The following CYP4B1 variants were observed in gnomAD, a reference collection of about 807,000 sequenced individuals.
The protein encoded by CYP4B1 is cytochrome P450 family 4 subfamily B member 1.
In CYP4B1, 45 loss-of-function variants were observed where a neutral mutation model predicts 54.0. The observed-to-expected ratio is 0.83, with a 90% CI of 0.66 to 1.07. The LOEUF (loss-of-function observed/expected upper bound fraction) is 1.07. Among genes scored for constraint, CYP4B1 ranks in the 50% least tolerant of loss-of-function variants. CYP4B1 has a pLI of 0.00. For missense variants in CYP4B1, 656 were observed against 655.4 expected (o/e 1.00, Z -0.01); for synonymous variants, 248 against 247.5 (o/e 1.00, Z -0.02).
chr1:46,810,726 C>T, intron 1 of CYP4B1, 82 bp from the exon 2 acceptor site: 4 of 1,504,232 alleles, frequency 2.7e-6, no homozygotes, highest in Non-Finnish European at 3.7e-6. Context: ...GGGCAGCCTT[C>T]TCCCCTGCCC....
chr1:46,811,062 A>G, intron 2 of CYP4B1, 78 bp from the exon 3 acceptor site: 1 of 1,602,076 alleles, frequency 6.2e-7, no homozygotes, highest in Non-Finnish European at 8.6e-7. Flanking sequence ...TGCGGAGCTG[A>G]GGTTCCCACC....
chr1:46,802,634 C>T (rs1462738087), intron 1 of CYP4B1, among the ~76,000 whole-genome samples: 2 of 152,216 alleles, frequency 1.3e-5, no homozygotes, highest in East Asian at 3.8e-4. Context: ...CAGATATGGT[C>T]CCTCTTTCCT....
chr1:46,814,546 G>A (rs756549059), intron 7 of CYP4B1, among the ~76,000 whole-genome samples: 4 of 152,136 alleles, frequency 2.6e-5, no homozygotes, highest in Non-Finnish European at 4.4e-5. Flanking sequence ...GTGGCTGGAC[G>A]ACATTTCTAG....
rs1290569881 is a variant in CYP4B1 at position 46,814,066 on chromosome 1, G to T, written c.775+3G>T. ...CCAGGTGGCCCATGACCATACAGGT[G>T]GGCCTTTCCCACAAGGCTCACCTCT... On this transcript the variant is annotated splice_donor_region_variant and intron_variant, in intron 6 of 11. Transcript: ENST00000371923. 8 of 1,613,800 alleles carry T rather than the reference G, an allele frequency of 5.0e-6. No individual in the cohort carries two copies. The highest frequency in any genetic ancestry group is 6.8e-6 in the Non-Finnish European group (8 of 1,179,942).
Position 46,799,379 on chromosome 1 carries a change from G to A in CYP4B1, c.180+118G>A, listed in dbSNP as rs941156029. 16 of 909,952 alleles carry A rather than the reference G, an allele frequency of 1.8e-5. No homozygotes were observed. The African/African-American group carries it at 2.5e-4, about 14-fold the overall frequency. 56.4% of individuals were successfully genotyped at this position (909,952 alleles called of 1,614,324 possible). On this transcript the variant is annotated intron_variant, in intron 1 of 11. Coordinates refer to ENST00000371923, the MANE Select transcript of CYP4B1 (RefSeq NM_001099772.2). ...CTTCAAACTTGGGCAGGGGGATGAT[G>A]TCCTGGGATCCATGGCTTCCATTCA... is the stretch of plus-strand genomic sequence containing the variant.
At chr1:46,809,982 C>T (rs1679030616) in intron 1 of CYP4B1, among the ~76,000 whole-genome samples, 1 of 152,208 alleles carries the variant, frequency 6.6e-6, no homozygotes, top group Non-Finnish European at 1.5e-5. Context: ...ACATGTACCA[C>T]CCTCTGGATG....
chr1:46,809,947 A>G (rs780821629), intron 1 of CYP4B1, among the ~76,000 whole-genome samples: 2 of 152,194 alleles, frequency 1.3e-5, no homozygotes, highest in Non-Finnish European at 2.9e-5. Flanking sequence ...GGGTGAGTAA[A>G]CGTGACTAGA....
intron 3 of CYP4B1, 94 bp downstream of exon 3, chr1:46,811,278 C>A: frequency 7.5e-7 from 1 of 1,331,262 alleles, no homozygotes; most frequent in Non-Finnish European, 1.1e-6. Flanking sequence ...TTGGTTATCC[C>A]AGATGGCCTA....
chr1:46,802,797 G>A (rs1678712265), intron 1 of CYP4B1, among the ~76,000 whole-genome samples: 1 of 152,184 alleles, frequency 6.6e-6, no homozygotes, highest in Admixed American at 6.5e-5. Flanking sequence ...TTTGGGCCTA[G>A]AGAAGGGCCC....
intron 1 of CYP4B1, among the ~76,000 whole-genome samples, chr1:46,804,248 G>A (rs1320084158): frequency 2.0e-5 from 3 of 152,066 alleles, no homozygotes; most frequent in South Asian, 2.1e-4. Context: ...GGAGTCAACT[G>A]GGCTCAGCGC....
At chr1:46,805,837 C>T (rs572202880) in intron 1 of CYP4B1, among the ~76,000 whole-genome samples, 170 of 152,262 alleles carry the variant, frequency 1.1e-3, no homozygotes, top group African/African-American at 3.9e-3. Context: ...ACACATGGAG[C>T]TCTGGTAATT....
At chr1:46,802,190 G>T (rs74075410) in intron 1 of CYP4B1, among the ~76,000 whole-genome samples, 143 of 151,286 alleles carry the variant, frequency 9.5e-4, no homozygotes, top group African/African-American at 3.3e-3. Context: ...GGTGTGTGTG[G>T]GTGTGTGTGT....
At position 46,811,168 on chromosome 1, in the gene CYP4B1, C is replaced by T. The variant is rs200440657; in HGVS notation, c.351C>T (p.Phe117=). The T allele has an allele frequency of 1.4e-3, 2,293 of 1,614,178 alleles. 47 individuals carry two copies. The South Asian group carries it at 0.023, about 16-fold the overall frequency. Residue 117 remains phenylalanine, a synonymous_variant, in exon 3 of 12, where the codon TTC becomes TTT. Transcript: ENST00000371923. ...CTAAGGCCCCTGATGTGTATGACTT[C>T]TTCCTCCAGTGGATTGGTGAGTGAG... ...GDPKAPDVYD[F]FLQWIGRGLL... is the part of the protein sequence containing the mutation.
chr1:46,811,957 T>C (rs572215380), intron 3 of CYP4B1, among the ~76,000 whole-genome samples: 1 of 152,244 alleles, frequency 6.6e-6, no homozygotes, highest in African/African-American at 2.4e-5. Context: ...AGGATAAAAT[T>C]AGAAGGCAGA....
Position 46,818,696 on chromosome 1 carries a change from G to A in CYP4B1, c.1421G>A (p.Arg474His), listed in dbSNP as rs143680556. ...GTGGTCACAGCCATGTGCTTGCTCC[G>A]CTTTGAGTTCTCTCTGGACCCCTCA... ...MKVVTAMCLL[R>H]FEFSLDPSRL... Residue 474 changes from arginine to histidine, a missense_variant, in exon 12 of 12, where the codon CGC (arginine) becomes CAC (histidine). Coordinates refer to ENST00000371923, the MANE Select transcript of CYP4B1 (RefSeq NM_001099772.2). 2.3e-4 allele frequency: 366 copies of A among 1,614,160 alleles called. 3 individuals carry two copies. The Middle Eastern group carries it at 0.012, about 53-fold the overall frequency.
In CYP4B1 at chr1:46,818,216, A is replaced by G; in HGVS notation, c.1355+3A>G. ...ATGCCCTTCTCTGCTGGGCCCAGGT[A>G]TGGAGAGACCCAGTATCCCAGGCCC... is the stretch of plus-strand genomic sequence containing the variant. On this transcript the variant is annotated splice_donor_region_variant and intron_variant, in intron 11 of 11. Transcript: ENST00000371923. 3.1e-6 allele frequency: 5 copies of G among 1,613,422 alleles called. No individual in the cohort carries two copies. The highest frequency in any genetic ancestry group is 2.2e-5 in the South Asian group (2 of 91,046).
At chr1:46,805,429 T>C (rs1261453413) in intron 1 of CYP4B1, among the ~76,000 whole-genome samples, 1 of 152,270 alleles carries the variant, frequency 6.6e-6, no homozygotes, top group East Asian at 1.9e-4. Context: ...TAGAGAGTCC[T>C]GGTGACCACA....
chr1:46,811,545 C>T (rs4646483), intron 3 of CYP4B1, among the ~76,000 whole-genome samples: 21,107 of 152,162 alleles, frequency 0.14, 1,616 homozygotes, highest in East Asian at 0.26. Context: ...GGTAGGACCA[C>T]GGCTGGTCAC....
At chr1:46,805,894 G>A (rs927707373) in intron 1 of CYP4B1, among the ~76,000 whole-genome samples, 8 of 152,132 alleles carry the variant, frequency 5.3e-5, no homozygotes, top group African/African-American at 1.9e-4. Flanking sequence ...GCTGAGACTA[G>A]GGCACCAAAG....
Sources: allele counts gnomAD v4.1 joint callset (sites outside exome capture counted in the v4.1 genomes callset), GRCh38; gene constraint gnomAD v4.1.1; transcripts MANE v1.5; gene names NCBI Gene and HGNC (gene_info 2026-07-23, HGNC 2026-07-21).